The following ENPP6 variants were observed in gnomAD, a reference collection of about 807,000 sequenced individuals.
ENPP6 encodes the protein glycerophosphocholine cholinephosphodiesterase ENPP6.
Under a neutral mutation model 42.0 loss-of-function variants are expected in ENPP6, and 32 were observed. The observed-to-expected ratio is 0.76, with a 90% CI of 0.58 to 1.02. The LOEUF (loss-of-function observed/expected upper bound fraction) is 1.02, where lower values mean the gene tolerates loss of function less well. ENPP6 is among the 50% of genes least tolerant of loss of function. ENPP6 has a pLI of 0.00. For synonymous variants in ENPP6, 213 were observed against 216.0 expected, an observed-to-expected ratio of 0.99 and a Z score of 0.12; for missense variants, 552 against 566.8, an observed-to-expected ratio of 0.97 and a Z score of 0.27.
chr4:184,173,573 C>T (rs59572428), intron 1 of ENPP6, among the ~76,000 whole-genome samples: 1,616 of 152,266 alleles, frequency 0.011, 27 homozygotes, highest in African/African-American at 0.036. Flanking sequence ...ACTATTCTCC[C>T]AAAAGAGCCA....
chr4:184,198,527 C>A (rs1732840566), intron 1 of ENPP6, among the ~76,000 whole-genome samples: 1 of 152,210 alleles, frequency 6.6e-6, no homozygotes, highest in South Asian at 2.1e-4. Context: ...GTGACAAAAA[C>A]CTCAAGCTTG....
intron 2 of ENPP6, among the ~76,000 whole-genome samples, chr4:184,126,324 A>C (rs1473786214): frequency 6.6e-6 from 1 of 152,234 alleles, no homozygotes; most frequent in Admixed American, 6.5e-5. Flanking sequence ...AAAGTAGAAA[A>C]CAAACTTTTT....
intron 2 of ENPP6, 76 bp downstream of exon 2, chr4:184,153,478 A>AAC (rs1410928984): frequency 8.8e-6 from 13 of 1,472,090 alleles, no homozygotes; most frequent in Non-Finnish European, 1.2e-5. Context: ...TTGGTCTTCA[A>AAC]ACAGTAACTT....
chr4:184,130,510 A>G lies in ENPP6; in HGVS notation c.422-6238T>C. Among the ~76,000 whole-genome samples the G allele has an allele frequency of 2.6e-5, 2 of 77,562 alleles. 1 individual carries two copies. The allele number at this position is 77,562 out of a possible 152,430, so 50.9% of individuals were successfully genotyped here. On this transcript the variant is annotated intron_variant, in intron 2 of 7. Coordinates refer to ENST00000296741, the MANE Select transcript of ENPP6 (RefSeq NM_153343.4). ...GAGGCGGAGCTTGCAGTGAGCCGAG[A>G]TCACACCACTGCACTCCAGCCTGGG...
chr4:184,186,125 C>T (rs911705837), intron 1 of ENPP6, among the ~76,000 whole-genome samples: 3 of 152,090 alleles, frequency 2.0e-5, no homozygotes, highest in African/African-American at 4.8e-5. Context: ...CTTGATAAAG[C>T]GTACATAGAT....
intron 1 of ENPP6, among the ~76,000 whole-genome samples, chr4:184,155,257 C>T (rs1737138771): frequency 6.6e-6 from 1 of 152,044 alleles, no homozygotes; most frequent in Non-Finnish European, 1.5e-5. Flanking sequence ...TAAGAGAGCC[C>T]CTCTTACAAG....
At chr4:184,164,654 G>A (rs1422759458) in intron 1 of ENPP6, among the ~76,000 whole-genome samples, 1 of 152,168 alleles carries the variant, frequency 6.6e-6, no homozygotes, top group Non-Finnish European at 1.5e-5. Context: ...GGAACTAAAA[G>A]ACAACACATT....
intron 6 of ENPP6, among the ~76,000 whole-genome samples, chr4:184,110,362 C>A (rs1430718857): frequency 6.6e-6 from 1 of 152,182 alleles, no homozygotes; most frequent in East Asian, 1.9e-4. Flanking sequence ...TGAGGGGAAG[C>A]CGCTAGTGGG....
intron 3 of ENPP6, among the ~76,000 whole-genome samples, chr4:184,121,563 G>A (rs1339139175): frequency 1.3e-5 from 2 of 152,226 alleles, no homozygotes; most frequent in East Asian, 3.9e-4. Context: ...TCAAATTATA[G>A]TTAGGAATTT....
At chr4:184,188,089 G>C (rs1732660604) in intron 1 of ENPP6, among the ~76,000 whole-genome samples, 1 of 152,200 alleles carries the variant, frequency 6.6e-6, no homozygotes, top group African/African-American at 2.4e-5. Flanking sequence ...CTTGGAGTCA[G>C]CTTCTGTGTG....
intron 2 of ENPP6, among the ~76,000 whole-genome samples, chr4:184,143,065 T>G (rs1385256478): frequency 6.6e-6 from 1 of 152,194 alleles, no homozygotes; most frequent in African/African-American, 2.4e-5. Flanking sequence ...GGAAGCCCTC[T>G]TGACTTTCTG....
At position 184,117,772 on chromosome 4, in the gene ENPP6, G is replaced by A. The variant is rs200918603; in HGVS notation, c.662C>T (p.Thr221Ile). ...KAVDTVLKYM[T>I]KWIQERGLQD... ...GCTTCAGGTCACCTGGATCCACTTG[G>A]TCATGTACTTCAGGACAGTGTCTAC... Residue 221 changes from threonine to isoleucine, a missense_variant, in exon 4 of 8, where the codon ACC becomes ATC. By Grantham distance (89) the Thr-to-Ile change is moderately conservative (BLOSUM62 -1). Transcript: ENST00000296741. 6 of 1,614,170 alleles carry A rather than the reference G, an allele frequency of 3.7e-6. No individual in the cohort carries two copies. Among genetic ancestry groups the A allele is most frequent in the Non-Finnish European group, 4.2e-6 (5 of 1,179,986 alleles).
intron 2 of ENPP6, among the ~76,000 whole-genome samples, chr4:184,137,338 C>G (rs1235110741): frequency 6.6e-6 from 1 of 152,214 alleles, no homozygotes; most frequent in Non-Finnish European, 1.5e-5. Context: ...CTCAAGCAAT[C>G]CACCTGCCTC....
At chr4:184,160,231 G>C (rs1406097832) in intron 1 of ENPP6, among the ~76,000 whole-genome samples, 2 of 152,148 alleles carry the variant, frequency 1.3e-5, no homozygotes, top group Admixed American at 6.5e-5. Context: ...TCTCCATACT[G>C]TTTTCAATAG....
chr4:184,109,236 A>C (rs372779316), intron 6 of ENPP6, among the ~76,000 whole-genome samples: 2,196 of 142,500 alleles, frequency 0.015, 64 homozygotes, highest in African/African-American at 0.061. Context: ...ACAACAACAA[A>C]AAAAAACAAA....
At chr4:184,134,131 G>T (rs921394563) in intron 2 of ENPP6, among the ~76,000 whole-genome samples, 17 of 147,188 alleles carry the variant, frequency 1.2e-4, no homozygotes, top group African/African-American at 4.2e-4. Flanking sequence ...TTATGGAAGT[G>T]ATTTATTTAT....
chr4:184,107,891 G>A (rs1414992450), intron 6 of ENPP6, among the ~76,000 whole-genome samples: 136 of 151,006 alleles, frequency 9.0e-4, no homozygotes, highest in Non-Finnish European at 1.6e-4. Flanking sequence ...CTCTAGCCTG[G>A]GCAACAGAGC....
At chr4:184,194,487 T>C (rs558076084) in intron 1 of ENPP6, among the ~76,000 whole-genome samples, 1 of 152,344 alleles carries the variant, frequency 6.6e-6, no homozygotes, top group South Asian at 2.1e-4. Context: ...TCGCAGGGCC[T>C]AGTGAAGAAT....
chr4:184,161,173 A>G (rs915272210), intron 1 of ENPP6, among the ~76,000 whole-genome samples: 1 of 152,112 alleles, frequency 6.6e-6, no homozygotes, highest in African/African-American at 2.4e-5. Context: ...ACCAGAATCT[A>G]CAAGGAACTC....
Sources: allele counts gnomAD v4.1 joint callset (sites outside exome capture counted in the v4.1 genomes callset), GRCh38; gene constraint gnomAD v4.1.1; transcripts MANE v1.5; gene names NCBI Gene and HGNC (gene_info 2026-07-23, HGNC 2026-07-21).